MEGF10: variants seen among roughly 807,000 people sequenced by gnomAD.
MEGF10 encodes multiple EGF like domains 10.
A neutral mutation model predicts 147.5 loss-of-function variants in MEGF10; 86 were observed. The ratio of observed to expected loss-of-function variants is 0.58; its 90% CI spans 0.49 to 0.70. The LOEUF (loss-of-function observed/expected upper bound fraction) is 0.70, where lower values mean the gene tolerates loss of function less well. Ranked by LOEUF, MEGF10 falls within the 30% of genes least tolerant of loss-of-function variation. The pLI is 0.00. For missense variants in MEGF10, 1,329 were observed against 1,487.3 expected, an observed-to-expected ratio of 0.89 and a Z score of 1.75; for synonymous variants, 478 against 525.5, an observed-to-expected ratio of 0.91 and a Z score of 1.24.
At chr5:127,392,727 G>A (rs1486913935) in intron 5 of MEGF10, among the ~76,000 whole-genome samples, 2 of 152,134 alleles carry the variant, frequency 1.3e-5, no homozygotes, top group East Asian at 3.8e-4. Flanking sequence ...TAACCGTAAG[G>A]GTTCCAATGT....
intron 4 of MEGF10, among the ~76,000 whole-genome samples, chr5:127,350,509 T>C (rs1456489023): frequency 6.6e-6 from 1 of 152,140 alleles, no homozygotes; most frequent in Middle Eastern, 3.4e-3. Context: ...TCTTCCTCCT[T>C]TTGTCTCTCC....
intron 1 of MEGF10, chr5:127,300,035 G>A (rs755167875): frequency 1.3e-5 from 2 of 152,160 alleles, no homozygotes; most frequent in Non-Finnish European, 2.9e-5. Flanking sequence ...GAAGCAAGCG[G>A]ATTTCAGAGA....
At chr5:127,251,056 A>G in the MEGF10 span, among the ~76,000 whole-genome samples, 1 of 152,076 alleles carries the variant, frequency 6.6e-6, no homozygotes, top group African/African-American at 2.4e-5. Flanking sequence ...GTTAATTTAG[A>G]AATGTAATGC....
At chr5:127,242,818 C>G in the MEGF10 span, among the ~76,000 whole-genome samples, 2 of 152,026 alleles carry the variant, frequency 1.3e-5, no homozygotes, top group Non-Finnish European at 2.9e-5. Flanking sequence ...TCCGTTGCCC[C>G]CAGATTCCTG....
At chr5:127,339,016 A>C (rs555046669) in intron 2 of MEGF10, 104 bp from the exon 3 acceptor site, 16 of 547,690 alleles carry the variant, frequency 2.9e-5, no homozygotes, top group South Asian at 8.5e-5. Context: ...GTCACTATGG[A>C]GTTGCAAATG....
At position 127,370,637 on chromosome 5, in the gene MEGF10, G is replaced by C. The variant is rs377706447; in HGVS notation, c.412+635G>C. 1.2e-4 allele frequency among the ~76,000 whole-genome samples: 18 copies of C among 152,086 alleles called. 1 individual carries two copies. The South Asian group carries it at 3.5e-3, about 30-fold the overall frequency. On this transcript the variant is annotated intron_variant, in intron 5 of 24. Coordinates refer to ENST00000503335, the MANE Select transcript of MEGF10 (RefSeq NM_001256545.2). ...ATAATTCTAAAATGATGGTATTTTG[G>C]ACTAAAAGCAGTCTACACGTAACAT...
At chr5:127,372,982 A>G (rs892635859) in intron 5 of MEGF10, among the ~76,000 whole-genome samples, 3 of 152,150 alleles carry the variant, frequency 2.0e-5, no homozygotes, top group African/African-American at 7.2e-5. Context: ...ATCTGCCTAT[A>G]TTATTTGGAA....
chr5:127,320,855 G>C (rs376205985), intron 1 of MEGF10, among the ~76,000 whole-genome samples: 1 of 152,338 alleles, frequency 6.6e-6, no homozygotes, highest in East Asian at 1.9e-4. Context: ...TAGTGGTTCA[G>C]AACTGAGTCC....
At chr5:127,293,142 T>C (rs1279749275) in intron 1 of MEGF10, among the ~76,000 whole-genome samples, 2 of 152,170 alleles carry the variant, frequency 1.3e-5, no homozygotes, top group Non-Finnish European at 2.9e-5. Context: ...TAACCTCCAG[T>C]GTTCCTTCTG....
At chr5:127,442,513 C>G (rs530595423) in intron 18 of MEGF10, among the ~76,000 whole-genome samples, 1 of 152,270 alleles carries the variant, frequency 6.6e-6, no homozygotes, top group East Asian at 1.9e-4. Flanking sequence ...TTGTTGTTTG[C>G]ATCTTCCCCT....
intron 9 of MEGF10, 126 bp from the exon 10 acceptor site, chr5:127,417,512 A>T (rs1178449695): frequency 1.1e-6 from 1 of 907,186 alleles, no homozygotes; most frequent in Non-Finnish European, 1.7e-6. Context: ...CCTGGGAATG[A>T]AGTTTGAATT....
intron 5 of MEGF10, among the ~76,000 whole-genome samples, chr5:127,390,287 T>C (rs1350115698): frequency 2.0e-5 from 3 of 151,928 alleles, no homozygotes; most frequent in African/African-American, 4.8e-5. Flanking sequence ...TTGGATTACA[T>C]GGGGCATCTT....
intron 5 of MEGF10, among the ~76,000 whole-genome samples, chr5:127,372,662 T>C (rs574579879): frequency 1.8e-4 from 27 of 152,208 alleles, no homozygotes; most frequent in Non-Finnish European, 3.7e-4. Context: ...AGGTATCCTG[T>C]AGAATGTTCC....
At chr5:127,397,295 C>T (rs1383833282) in intron 6 of MEGF10, among the ~76,000 whole-genome samples, 2 of 152,124 alleles carry the variant, frequency 1.3e-5, no homozygotes, top group Non-Finnish European at 2.9e-5. Context: ...TTATTTAATG[C>T]TCATGGATAC....
the MEGF10 span, among the ~76,000 whole-genome samples, chr5:127,231,877 A>G: frequency 6.6e-6 from 1 of 152,226 alleles, no homozygotes; most frequent in African/African-American, 2.4e-5. Flanking sequence ...GAGAGAGCCT[A>G]AACAGACTGA....
chr5:127,288,108 A>G (rs1759087150), upstream of MEGF10, among the ~76,000 whole-genome samples: 1 of 152,084 alleles, frequency 6.6e-6, no homozygotes, highest in African/African-American at 2.4e-5. Flanking sequence ...CATCAAATAG[A>G]TTGTAGACCT....
intron 20 of MEGF10, among the ~76,000 whole-genome samples, chr5:127,446,355 G>T (rs1391539075): frequency 1.3e-5 from 2 of 152,142 alleles, no homozygotes; most frequent in Non-Finnish European, 2.9e-5. Flanking sequence ...CTTCTGGTTG[G>T]TTACATGTTT....
intron 4 of MEGF10, among the ~76,000 whole-genome samples, chr5:127,363,680 A>T (rs1580766005): frequency 6.6e-6 from 1 of 152,228 alleles, no homozygotes; most frequent in African/African-American, 2.4e-5. Flanking sequence ...TCTGCCAAAG[A>T]TACTGCCAGT....
chr5:127,248,533 G>A, the MEGF10 span, among the ~76,000 whole-genome samples: 1 of 151,982 alleles, frequency 6.6e-6, no homozygotes, highest in East Asian at 1.9e-4. Context: ...AAAGAGAAAA[G>A]CAGGGTATAA....
Sources: gnomAD v4.1 joint callset for allele counts (sites outside exome capture counted in the v4.1 genomes callset) on GRCh38, gnomAD v4.1.1 for gene constraint, MANE v1.5 for transcripts, NCBI Gene and HGNC (gene_info 2026-07-23, HGNC 2026-07-21) for gene names.